Variants in ENOX1 observed in about 807,000 individuals in gnomAD.
ENOX1 encodes the protein ecto-NOX disulfide-thiol exchanger 1.
ENOX1 carries 42 observed loss-of-function variants against 82.5 expected under a neutral mutation model. That is an observed-to-expected ratio of 0.51 (90% CI 0.40 to 0.66). The LOEUF (loss-of-function observed/expected upper bound fraction) is 0.66. ENOX1 is among the 30% of genes least tolerant of loss of function. The pLI is 0.00. For synonymous variants in ENOX1, 271 were observed against 282.2 expected (o/e 0.96, Z 0.40); for missense variants, 608 against 811.6 (o/e 0.75, Z 3.05).
At chr13:43,490,695 A>G (rs537703183) in intron 2 of ENOX1, among the ~76,000 whole-genome samples, 1 of 152,290 alleles carries the variant, frequency 6.6e-6, no homozygotes, top group South Asian at 2.1e-4. Flanking sequence ...CCTCCGGAAT[A>G]ACCATCTTGG....
At chr13:43,444,135 CAA>C (rs1382303422) in intron 3 of ENOX1, among the ~76,000 whole-genome samples, 1 of 152,096 alleles carries the variant, frequency 6.6e-6, no homozygotes, top group Non-Finnish European at 1.5e-5. Flanking sequence ...TGAGGAAAAG[CAA>C]AAGTGTTTTA....
chr13:43,249,846 TCA>T (rs2043350398), intron 14 of ENOX1, among the ~76,000 whole-genome samples: 1 of 152,190 alleles, frequency 6.6e-6, no homozygotes, highest in South Asian at 2.1e-4. Flanking sequence ...CTTCCTTCTC[TCA>T]CACCCCCAAA....
chr13:43,714,855 A>T (rs547919230), intron 1 of ENOX1, among the ~76,000 whole-genome samples: 1 of 151,976 alleles, frequency 6.6e-6, no homozygotes, highest in East Asian at 1.9e-4. Context: ...ATGGGTCTTG[A>T]CTCTATCCAA....
intron 1 of ENOX1, among the ~76,000 whole-genome samples, chr13:43,775,075 T>C (rs533199064): frequency 6.6e-6 from 1 of 152,216 alleles, no homozygotes; most frequent in East Asian, 1.9e-4. Context: ...CTTAAACTCC[T>C]GACCTCAAGT....
At chr13:43,544,258 C>T (rs2078878140) in intron 2 of ENOX1, 1 of 152,164 alleles carries the variant, frequency 6.6e-6, no homozygotes, top group African/African-American at 2.4e-5. Context: ...GAAAGTTATT[C>T]ATTCTCTCTG....
chr13:43,636,701 C>T lies in ENOX1; in HGVS notation c.-219+30778G>A, dbSNP rs74063944. Reference sequence around the variant, plus strand: ...GTAGACATGGCAACAGCATAACCAACGGCACGGGTGGCAGAGATCCAGGAA... The same window carrying T: ...GTAGACATGGCAACAGCATAACCAATGGCACGGGTGGCAGAGATCCAGGAA... On this transcript the variant is annotated intron_variant, in intron 2 of 16. Transcript: ENST00000690772. 9.2e-3 allele frequency among the ~76,000 whole-genome samples: 1,406 copies of T among 152,240 alleles called. 24 individuals carry two copies. Among genetic ancestry groups the T allele is most frequent in the African/African-American group, 0.032 (1,322 of 41,534 alleles).
chr13:43,650,150 T>C (rs1402740604), intron 2 of ENOX1, among the ~76,000 whole-genome samples: 3 of 152,208 alleles, frequency 2.0e-5, no homozygotes, highest in Non-Finnish European at 2.9e-5. Context: ...ATTTCCACTC[T>C]TGAGCCTTGC....
At chr13:43,303,272 C>T (rs959828066) in intron 11 of ENOX1, among the ~76,000 whole-genome samples, 5 of 152,240 alleles carry the variant, frequency 3.3e-5, no homozygotes, top group African/African-American at 7.2e-5. Context: ...TCCTCAGCCA[C>T]GATCCTGCCT....
At chr13:43,739,945 A>G (rs2153826196) in intron 1 of ENOX1, among the ~76,000 whole-genome samples, 1 of 152,340 alleles carries the variant, frequency 6.6e-6, no homozygotes, top group East Asian at 1.9e-4. Flanking sequence ...CTTAATGAAT[A>G]GTAAAAATAT....
intron 5 of ENOX1, among the ~76,000 whole-genome samples, chr13:43,366,419 C>T (rs1013439364): frequency 9.9e-5 from 15 of 152,074 alleles, no homozygotes; most frequent in African/African-American, 3.6e-4. Flanking sequence ...GGACTACAGG[C>T]GCCCGCCACC....
chr13:43,559,162 C>G (rs2079564398), intron 2 of ENOX1, among the ~76,000 whole-genome samples: 1 of 152,208 alleles, frequency 6.6e-6, no homozygotes, highest in Non-Finnish European at 1.5e-5. Context: ...TCAGCTGTGC[C>G]TGTACAAGGA....
intron 2 of ENOX1, among the ~76,000 whole-genome samples, chr13:43,486,223 A>G (rs1047969199): frequency 3.3e-5 from 5 of 152,128 alleles, no homozygotes; most frequent in Non-Finnish European, 7.4e-5. Context: ...AACAAAAACA[A>G]AAAACAAAAA....
At chr13:43,291,119 T>A (rs527942999) in intron 12 of ENOX1, among the ~76,000 whole-genome samples, 1 of 152,210 alleles carries the variant, frequency 6.6e-6, no homozygotes, top group South Asian at 2.1e-4. Flanking sequence ...TTTAAAGGGG[T>A]TTCTCTTTTT....
chr13:43,764,525 G>A (rs1019060516), intron 1 of ENOX1, among the ~76,000 whole-genome samples: 1 of 152,106 alleles, frequency 6.6e-6, no homozygotes, highest in African/African-American at 2.4e-5. Flanking sequence ...ACTGTGAAAT[G>A]TAAAGGCAGA....
chr13:43,444,761 C>A (rs936024647), intron 3 of ENOX1, among the ~76,000 whole-genome samples: 4 of 151,906 alleles, frequency 2.6e-5, no homozygotes. Flanking sequence ...GTTCTACATA[C>A]AGAGTCAAGT....
intron 1 of ENOX1, among the ~76,000 whole-genome samples, chr13:43,735,487 A>C (rs546383525): frequency 6.6e-6 from 1 of 152,308 alleles, no homozygotes; most frequent in Admixed American, 6.5e-5. Flanking sequence ...TGGGAGGCCG[A>C]GGCGGGTGGA....
intron 2 of ENOX1, among the ~76,000 whole-genome samples, chr13:43,623,907 G>A (rs942003380): frequency 8.6e-5 from 13 of 151,990 alleles, no homozygotes; most frequent in African/African-American, 2.9e-4. Context: ...ACAAATTTTT[G>A]TGTAAATGTA....
intron 1 of ENOX1, among the ~76,000 whole-genome samples, chr13:43,779,502 A>G (rs1444673704): frequency 6.6e-6 from 1 of 152,324 alleles, no homozygotes; most frequent in African/African-American, 2.4e-5. Context: ...AATAGGAGGT[A>G]CTTGCAGAAT....
At position 43,412,953 on chromosome 13, in the gene ENOX1, G is replaced by C. The variant is rs1228647801; in HGVS notation, c.-39C>G. On this transcript the variant is annotated 5_prime_UTR_variant, in exon 4 of 17. Coordinates refer to ENST00000690772, the MANE Select transcript of ENOX1 (RefSeq NM_001347969.2). Reference sequence around the variant, plus strand: ...TCCAGAGGGGCAGGAACACTTTGATGGCTGAGTGCAGGGTCCCCTCGGAGG... The same window carrying C: ...TCCAGAGGGGCAGGAACACTTTGATCGCTGAGTGCAGGGTCCCCTCGGAGG... The C allele has an allele frequency of 6.2e-7, 1 of 1,612,778 alleles. No individual in the cohort carries two copies. The highest frequency in any genetic ancestry group is 8.5e-7 in the Non-Finnish European group (1 of 1,179,694).
Sources: allele counts gnomAD v4.1 joint callset (sites outside exome capture counted in the v4.1 genomes callset), GRCh38; gene constraint gnomAD v4.1.1; transcripts MANE v1.5; gene names NCBI Gene and HGNC (gene_info 2026-07-23, HGNC 2026-07-21).